The following ESR1 variants were observed in gnomAD, a reference collection of about 807,000 sequenced individuals.
ESR1 encodes the protein estrogen receptor 1.
In ESR1, 12 loss-of-function variants were observed where a neutral mutation model predicts 52.7. The ratio of observed to expected loss-of-function variants is 0.23; its 90% CI spans 0.15 to 0.37. The LOEUF (loss-of-function observed/expected upper bound fraction) is 0.37. Among genes scored for constraint, ESR1 ranks in the 10% least tolerant of loss-of-function variants. ESR1 has a pLI of 1.00. For synonymous variants in ESR1, 305 were observed against 316.8 expected, an observed-to-expected ratio of 0.96 and a Z score of 0.39; for missense variants, 584 against 779.7, an observed-to-expected ratio of 0.75 and a Z score of 2.99.
chr6:151,672,992 C>CTATTTTTTTTTG (rs1778126970), intron 1 of ESR1, among the ~76,000 whole-genome samples: 1 of 150,518 alleles, frequency 6.6e-6, no homozygotes, highest in Non-Finnish European at 1.5e-5. Flanking sequence ...CCACGCCCAG[C>CTATTTTTTTTTG]TATTTTTTTT....
intron 2 of ESR1, among the ~76,000 whole-genome samples, chr6:151,753,316 T>G (rs557884414): frequency 3.3e-3 from 462 of 139,812 alleles, no homozygotes; most frequent in Admixed American, 5.4e-3. Flanking sequence ...GTTATTTGAT[T>G]GCATTTTTTT....
At chr6:151,801,593 A>G (rs748289414), upstream of ESR1, among the ~76,000 whole-genome samples, 5 of 152,152 alleles carry the variant, frequency 3.3e-5, no homozygotes, top group African/African-American at 7.2e-5. Context: ...CAAATCATGC[A>G]TTTTTTTCCT....
intron 1 of ESR1, among the ~76,000 whole-genome samples, chr6:151,674,320 C>T (rs753482274): frequency 6.6e-6 from 1 of 152,088 alleles, no homozygotes; most frequent in Non-Finnish European, 1.5e-5. Flanking sequence ...CTGAGAATGA[C>T]GGTTTCCAGC....
At chr6:151,764,338 A>G (rs1222989467) in intron 2 of ESR1, among the ~76,000 whole-genome samples, 2 of 152,142 alleles carry the variant, frequency 1.3e-5, no homozygotes, top group Non-Finnish European at 2.9e-5. Flanking sequence ...AAGAAGAAGG[A>G]GAGGGGAGAT....
intron 2 of ESR1, among the ~76,000 whole-genome samples, chr6:151,853,493 T>G (rs868398864): frequency 2.6e-5 from 4 of 152,170 alleles, no homozygotes; most frequent in African/African-American, 7.2e-5. Flanking sequence ...ACCTGTGAAA[T>G]GACAGTAGTT....
At chr6:151,817,227 A>T (rs1324082095) in intron 1 of ESR1, among the ~76,000 whole-genome samples, 3 of 152,232 alleles carry the variant, frequency 2.0e-5, no homozygotes, top group African/African-American at 7.2e-5. Flanking sequence ...GTATTTCAGC[A>T]GTTCTGACAA....
chr6:151,789,247 A>G (rs779032463), intron 2 of ESR1, among the ~76,000 whole-genome samples: 16 of 152,216 alleles, frequency 1.1e-4, no homozygotes, highest in Admixed American at 6.5e-5. Context: ...ATTGAGTCAG[A>G]TGATGTTACC....
chr6:151,979,512 A>G (rs139946304), intron 4 of ESR1, among the ~76,000 whole-genome samples: 357 of 152,300 alleles, frequency 2.3e-3, no homozygotes, highest in African/African-American at 8.2e-3. Context: ...TTATGCCCTT[A>G]TTTTAATGCC....
At chr6:151,788,108 A>G (rs1179118166) in intron 2 of ESR1, among the ~76,000 whole-genome samples, 1 of 152,254 alleles carries the variant, frequency 6.6e-6, no homozygotes, top group African/African-American at 2.4e-5. Flanking sequence ...AAATTGAGAA[A>G]TGAGATCTAA....
Position 151,732,709 on chromosome 6 carries a change from T to C in ESR1, c.-71+30704T>C, listed in dbSNP as rs192803002. On this transcript the variant is annotated intron_variant, in intron 2 of 2. Transcript: ENST00000404742. ...TATGATAAAAACGCTTTTTGGGTTG[T>C]CAGAGAGGCTAATAGGGGATATATG... is the stretch of plus-strand genomic sequence containing the variant. 1.2e-3 allele frequency among the ~76,000 whole-genome samples: 181 copies of C among 152,292 alleles called. 1 individual carries two copies. The highest frequency in any genetic ancestry group is 1.9e-3 in the Non-Finnish European group (132 of 68,014).
At chr6:151,937,886 C>G (rs1480743645) in intron 3 of ESR1, among the ~76,000 whole-genome samples, 1 of 152,126 alleles carries the variant, frequency 6.6e-6, no homozygotes, top group Non-Finnish European at 1.5e-5. Flanking sequence ...GAACTTCTTT[C>G]TTTTCTGTTA....
At chr6:151,713,420 C>T (rs186065278) in intron 2 of ESR1, among the ~76,000 whole-genome samples, 1 of 152,184 alleles carries the variant, frequency 6.6e-6, no homozygotes, top group African/African-American at 2.4e-5. Context: ...ATGGTACCAG[C>T]TCCTCTTTGT....
chr6:151,866,928 C>T (rs1790018395), intron 2 of ESR1, among the ~76,000 whole-genome samples: 1 of 152,112 alleles, frequency 6.6e-6, no homozygotes, highest in East Asian at 1.9e-4. Flanking sequence ...ATCTAGACCA[C>T]TGGAACAGAT....
At chr6:152,095,773 A>G (rs192676051) in intron 7 of ESR1, among the ~76,000 whole-genome samples, 32 of 152,172 alleles carry the variant, frequency 2.1e-4, no homozygotes, top group African/African-American at 6.8e-4. Flanking sequence ...GTTCTTCCCT[A>G]TGGTTACTGC....
intron 4 of ESR1, among the ~76,000 whole-genome samples, chr6:151,952,800 T>C (rs2036464688): frequency 6.6e-6 from 1 of 152,254 alleles, no homozygotes; most frequent in Non-Finnish European, 1.5e-5. Context: ...TCCAGAAGAC[T>C]TTGCAAATGA....
Position 152,099,078 on chromosome 6 carries a change from C to A in ESR1, c.*112C>A. 1 of 810,760 alleles carries A rather than the reference C, an allele frequency of 1.2e-6. No individual in the cohort carries two copies. The highest frequency in any genetic ancestry group is 1.7e-5 in the African/African-American group (1 of 59,438). The allele number at this position is 810,760 out of a possible 1,614,324, so 50.2% of individuals were successfully genotyped here. ...CATACACTCCGGCATGCATCCAACA[C>A]CAATGGCTTTCTAGATGAGTGGCCA... On this transcript the variant is annotated 3_prime_UTR_variant, in exon 8 of 8. Coordinates refer to ENST00000206249, the MANE Select transcript of ESR1 (RefSeq NM_000125.4).
At chr6:151,875,585 A>G (rs1791670665) in intron 2 of ESR1, among the ~76,000 whole-genome samples, 1 of 152,196 alleles carries the variant, frequency 6.6e-6, no homozygotes, top group South Asian at 2.1e-4. Context: ...AACCCAACAT[A>G]GTAAGTCCTA....
chr6:151,939,123 A>T (rs1384130445), intron 3 of ESR1, among the ~76,000 whole-genome samples: 1 of 152,220 alleles, frequency 6.6e-6, no homozygotes, highest in Non-Finnish European at 1.5e-5. Flanking sequence ...GGAAAATGGC[A>T]TGTTCATGTA....
chr6:151,932,566 C>G (rs1231681917), intron 3 of ESR1, among the ~76,000 whole-genome samples: 1 of 114,920 alleles, frequency 8.7e-6, no homozygotes, highest in East Asian at 2.4e-4. Context: ...AGGTTTTCTT[C>G]TAGGGTTTTT....
Sources: gnomAD v4.1 joint callset for allele counts (sites outside exome capture counted in the v4.1 genomes callset) on GRCh38, gnomAD v4.1.1 for gene constraint, MANE v1.5 for transcripts, NCBI Gene and HGNC (gene_info 2026-07-23, HGNC 2026-07-21) for gene names.